TBC1D19: variants seen among roughly 807,000 people sequenced by gnomAD.
TBC1D19 encodes TBC1 domain family, member 19.
In TBC1D19, 60 loss-of-function variants were observed where a neutral mutation model predicts 89.0. That is an observed-to-expected ratio of 0.67 (90% confidence interval 0.55 to 0.84). The LOEUF is 0.84. TBC1D19 is among the 40% of genes least tolerant of loss of function. The pLI, the probability that TBC1D19 is intolerant of heterozygous loss-of-function variation, is 0.00. For missense variants in TBC1D19, 500 were observed against 610.8 expected (o/e 0.82, Z 1.91); for synonymous variants, 189 against 199.7 (o/e 0.95, Z 0.45).
intron 8 of TBC1D19, among the ~76,000 whole-genome samples, chr4:26,664,546 A>G (rs1655533916): frequency 6.6e-6 from 1 of 152,212 alleles, no homozygotes; most frequent in South Asian, 2.1e-4. Flanking sequence ...CTTAAAATAA[A>G]TGGAAAACAA....
intron 3 of TBC1D19, among the ~76,000 whole-genome samples, chr4:26,616,354 A>G (rs1257896132): frequency 6.6e-6 from 1 of 152,178 alleles, no homozygotes; most frequent in Non-Finnish European, 1.5e-5. Flanking sequence ...TCTGTGGTGT[A>G]TTGAGTTAAG....
the TBC1D19 span, among the ~76,000 whole-genome samples, chr4:26,813,391 A>G: frequency 6.6e-6 from 1 of 152,204 alleles, no homozygotes; most frequent in Non-Finnish European, 1.5e-5. Flanking sequence ...TTTAGGGGCA[A>G]GTTTAGCCCC....
intron 15 of TBC1D19, among the ~76,000 whole-genome samples, chr4:26,731,926 T>TA (rs955556286): frequency 1.3e-5 from 2 of 151,912 alleles, no homozygotes; most frequent in African/African-American, 2.4e-5. Flanking sequence ...CAATACAGTT[T>TA]AAAAAAAATT....
the TBC1D19 span, among the ~76,000 whole-genome samples, chr4:26,768,561 A>G: frequency 2.0e-5 from 3 of 152,298 alleles, no homozygotes; most frequent in East Asian, 5.8e-4. Context: ...AAGCAAGAAC[A>G]TTACTTTTTA....
At chr4:26,850,425 G>A in the TBC1D19 span, among the ~76,000 whole-genome samples, 1 of 151,388 alleles carries the variant, frequency 6.6e-6, no homozygotes. Flanking sequence ...GCACACGCCT[G>A]TAGTCCCGGC....
At chr4:26,680,316 A>G (rs1037954454) in intron 11 of TBC1D19, among the ~76,000 whole-genome samples, 5 of 152,318 alleles carry the variant, frequency 3.3e-5, no homozygotes, top group South Asian at 4.1e-4. Flanking sequence ...ACACCTTAAC[A>G]TACTTTCTCT....
chr4:26,813,263 G>GA, the TBC1D19 span, among the ~76,000 whole-genome samples: 7 of 150,566 alleles, frequency 4.6e-5, no homozygotes, highest in African/African-American at 9.7e-5. Flanking sequence ...ACAAACAAAC[G>GA]AAAAAAAAGA....
chr4:26,856,346 A>G, the TBC1D19 span, among the ~76,000 whole-genome samples: 2 of 152,180 alleles, frequency 1.3e-5, no homozygotes, highest in South Asian at 4.1e-4. Flanking sequence ...CTGTGTGTAT[A>G]TATACCCTAT....
intron 13 of TBC1D19, among the ~76,000 whole-genome samples, chr4:26,701,770 T>A (rs937565673): frequency 1.3e-5 from 2 of 152,148 alleles, no homozygotes; most frequent in African/African-American, 4.8e-5. Flanking sequence ...AAACTAAATA[T>A]CTACCACTTG....
upstream of TBC1D19, chr4:26,583,868 C>T (rs780344752): frequency 3.0e-5 from 10 of 329,220 alleles, no homozygotes; most frequent in Non-Finnish European, 5.8e-5. Context: ...CCGTGTCCCC[C>T]TTGTGCATCA....
At chr4:26,722,031 A>G (rs1356934403) in intron 15 of TBC1D19, among the ~76,000 whole-genome samples, 1 of 152,054 alleles carries the variant, frequency 6.6e-6, no homozygotes, top group Non-Finnish European at 1.5e-5. Flanking sequence ...ATCTCTAGCT[A>G]TGTTATCTTG....
the TBC1D19 span, among the ~76,000 whole-genome samples, chr4:26,772,193 C>T: frequency 4.0e-5 from 6 of 149,926 alleles, no homozygotes; most frequent in East Asian, 2.0e-4. Context: ...TTAAGGAGTC[C>T]GGCTCCTGGC....
At chr4:26,798,584 A>G in the TBC1D19 span, among the ~76,000 whole-genome samples, 1 of 152,146 alleles carries the variant, frequency 6.6e-6, no homozygotes, top group Non-Finnish European at 1.5e-5. Flanking sequence ...ATTATAAAAA[A>G]GTCACCCGCA....
intron 18 of TBC1D19, among the ~76,000 whole-genome samples, chr4:26,747,761 AG>A (rs1458405694): frequency 1.3e-5 from 2 of 152,194 alleles, no homozygotes; most frequent in Non-Finnish European, 2.9e-5. Flanking sequence ...CCTACTTGTA[AG>A]TAGTAAGATC....
intron 11 of TBC1D19, among the ~76,000 whole-genome samples, chr4:26,675,995 C>A (rs774885322): frequency 1.4e-4 from 22 of 152,070 alleles, no homozygotes; most frequent in Admixed American, 4.6e-4. Flanking sequence ...GTCAAAATAT[C>A]CATATTTAGT....
chr4:26,585,180 G>A (rs939769575), intron 1 of TBC1D19: 3 of 448,072 alleles, frequency 6.7e-6, no homozygotes, highest in Non-Finnish European at 1.3e-5. Context: ...TTGCTGACTT[G>A]TATGGTAAGT....
At chr4:26,663,796 T>C (rs2109085768) in intron 8 of TBC1D19, among the ~76,000 whole-genome samples, 1 of 152,338 alleles carries the variant, frequency 6.6e-6, no homozygotes, top group Non-Finnish European at 1.5e-5. Context: ...GACCCTGGTC[T>C]GTCTGTGCGA....
At chr4:26,622,472 G>T (rs1742120286) in intron 4 of TBC1D19, among the ~76,000 whole-genome samples, 1 of 151,996 alleles carries the variant, frequency 6.6e-6, no homozygotes, top group Admixed American at 6.6e-5. Context: ...TAGCTGCTGA[G>T]AATATATGTG....
chr4:26,603,318 C>T (rs1280053011), intron 1 of TBC1D19, among the ~76,000 whole-genome samples: 1 of 152,022 alleles, frequency 6.6e-6, no homozygotes, highest in Non-Finnish European at 1.5e-5. Context: ...TTGAAAAGAT[C>T]AGTGTATAAT....
Sources: gnomAD v4.1 joint callset for allele counts (sites outside exome capture counted in the v4.1 genomes callset) on GRCh38, gnomAD v4.1.1 for gene constraint, MANE v1.5 for transcripts, NCBI Gene and HGNC (gene_info 2026-07-23, HGNC 2026-07-21) for gene names.